Variants in COP1 observed in about 807,000 individuals in gnomAD.
The protein encoded by COP1 is E3 ubiquitin-protein ligase COP1.
In COP1, 24 loss-of-function variants were observed where a neutral mutation model predicts 101.3. The observed-to-expected ratio is 0.24, with a 90% CI of 0.17 to 0.33. The LOEUF (loss-of-function observed/expected upper bound fraction) is 0.33. Among genes scored for constraint, COP1 ranks in the 10% least tolerant of loss-of-function variants. COP1 has a pLI of 1.00. For missense variants in COP1, 663 were observed against 906.2 expected (o/e 0.73, Z 3.45); for synonymous variants, 347 against 341.9 (o/e 1.01, Z -0.17).
chr1:175,992,993 C>A (rs1165251837), intron 15 of COP1, among the ~76,000 whole-genome samples: 6 of 152,146 alleles, frequency 3.9e-5, no homozygotes, highest in African/African-American at 7.2e-5. Flanking sequence ...GAGGCACCAC[C>A]CAGTAGGGGC....
chr1:176,170,649 G>T (rs80179612), intron 3 of COP1, among the ~76,000 whole-genome samples: 3 of 152,152 alleles, frequency 2.0e-5, no homozygotes, highest in African/African-American at 7.2e-5. Flanking sequence ...GCACAGACAC[G>T]GTAGATTTAG....
At chr1:176,026,082 G>T (rs527474687) in intron 15 of COP1, among the ~76,000 whole-genome samples, 1 of 151,966 alleles carries the variant, frequency 6.6e-6, no homozygotes, top group Non-Finnish European at 1.5e-5. Flanking sequence ...AAAATTAAAT[G>T]AGAAAAATAA....
intron 12 of COP1, 140 bp downstream of exon 12, chr1:176,046,041 A>C: frequency 1.7e-6 from 1 of 582,682 alleles, no homozygotes; most frequent in South Asian, 3.2e-5. Context: ...AAGTAATAAT[A>C]TATACTCTGT....
At chr1:176,103,960 A>G (rs1683876228) in intron 9 of COP1, among the ~76,000 whole-genome samples, 2 of 152,178 alleles carry the variant, frequency 1.3e-5, no homozygotes, top group African/African-American at 4.8e-5. Context: ...ACAAACAGGA[A>G]GAAATATTCT....
intron 5 of COP1, among the ~76,000 whole-genome samples, chr1:176,158,630 C>CTTTTTTTTTT (rs35518162): frequency 1.8e-4 from 14 of 79,312 alleles, no homozygotes; most frequent in Non-Finnish European, 2.4e-4. Context: ...TTTTAAGGTT[C>CTTTTTTTTTT]TTTTTTTTTT....
intron 15 of COP1, among the ~76,000 whole-genome samples, chr1:176,008,929 T>C (rs985282422): frequency 2.6e-5 from 4 of 152,230 alleles, no homozygotes; most frequent in African/African-American, 9.6e-5. Flanking sequence ...CTTAATGCTT[T>C]GCACGATTTG....
At chr1:176,017,845 A>C (rs1399484809) in intron 15 of COP1, among the ~76,000 whole-genome samples, 1 of 152,124 alleles carries the variant, frequency 6.6e-6, no homozygotes, top group Non-Finnish European at 1.5e-5. Context: ...TTTTAATAGC[A>C]ATACTTAAAC....
intron 15 of COP1, among the ~76,000 whole-genome samples, chr1:176,022,464 C>T (rs988508281): frequency 1.3e-5 from 2 of 152,080 alleles, no homozygotes; most frequent in Admixed American, 6.6e-5. Flanking sequence ...TAAGCAACTT[C>T]ATGAGTATGA....
chr1:176,115,999 A>T (rs1363584042), intron 9 of COP1, among the ~76,000 whole-genome samples: 4 of 152,230 alleles, frequency 2.6e-5, no homozygotes, highest in African/African-American at 4.8e-5. Flanking sequence ...AATTTTCATT[A>T]TCTCTAAGAT....
intron 8 of COP1, among the ~76,000 whole-genome samples, chr1:176,130,852 T>C (rs1396522817): frequency 1.3e-5 from 2 of 151,810 alleles, no homozygotes; most frequent in Non-Finnish European, 3.0e-5. Flanking sequence ...ATACATATTA[T>C]AGAAACAGAA....
intron 12 of COP1, among the ~76,000 whole-genome samples, chr1:176,044,181 A>G (rs1293073149): frequency 6.6e-6 from 1 of 152,174 alleles, no homozygotes; most frequent in Non-Finnish European, 1.5e-5. Context: ...ACCTGATGAG[A>G]CTGTTTAACC....
intron 15 of COP1, among the ~76,000 whole-genome samples, chr1:175,999,877 C>T (rs1661178790): frequency 6.6e-6 from 1 of 152,102 alleles, no homozygotes; most frequent in African/African-American, 2.4e-5. Context: ...AGCACTTTTA[C>T]ATATACCAGT....
chr1:176,026,810 TCAC>T (rs2149064242), intron 15 of COP1, among the ~76,000 whole-genome samples: 1 of 152,224 alleles, frequency 6.6e-6, no homozygotes, highest in African/African-American at 2.4e-5. Context: ...AAATAAGACT[TCAC>T]CATTCAGAAG....
intron 11 of COP1, among the ~76,000 whole-genome samples, chr1:176,053,621 A>G (rs1672946765): frequency 2.0e-5 from 3 of 152,100 alleles, no homozygotes; most frequent in South Asian, 2.1e-4. Context: ...TTCATTACCA[A>G]TAACTTCACT....
chr1:176,130,063 T>C (rs568557380), intron 8 of COP1, among the ~76,000 whole-genome samples: 16 of 151,832 alleles, frequency 1.1e-4, no homozygotes, highest in African/African-American at 3.6e-4. Flanking sequence ...TGTTAATCCA[T>C]ATAACGTCCA....
chr1:176,115,487 G>A (rs888338664), intron 9 of COP1, among the ~76,000 whole-genome samples: 5 of 151,500 alleles, frequency 3.3e-5, no homozygotes, highest in African/African-American at 7.3e-5. Flanking sequence ...GCTGGCTCAC[G>A]CCTGTAATGC....
chr1:176,196,632 A>T (rs1374141102), intron 1 of COP1, among the ~76,000 whole-genome samples: 1 of 152,202 alleles, frequency 6.6e-6, no homozygotes, highest in Non-Finnish European at 1.5e-5. Context: ...AAAATATATG[A>T]AGACCCAAAA....
At position 175,980,741 on chromosome 1, in the gene COP1, G is replaced by A. The variant is rs1382381647; in HGVS notation, c.2133+6202C>T. On this transcript the variant is annotated intron_variant, in intron 18 of 19. Coordinates refer to ENST00000367669, the MANE Select transcript of COP1 (RefSeq NM_022457.7). ...TTGGGGTCACTTCTGAAGAGCTAAA[G>A]GAGTAATAAGTGTCCTTTACAAGTA... Among the ~76,000 whole-genome samples, 5 of 152,106 alleles carry A rather than the reference G, an allele frequency of 3.3e-5. No homozygotes were observed. In the South Asian group the frequency reaches 8.3e-4, roughly 25 times the overall value.
At chr1:176,088,224 G>T (rs1349757312) in intron 9 of COP1, among the ~76,000 whole-genome samples, 1 of 147,110 alleles carries the variant, frequency 6.8e-6, no homozygotes, top group Admixed American at 7.0e-5. Flanking sequence ...TGCACATTGT[G>T]CACATGTACC....
Sources: gnomAD v4.1 joint callset for allele counts (sites outside exome capture counted in the v4.1 genomes callset) on GRCh38, gnomAD v4.1.1 for gene constraint, MANE v1.5 for transcripts, NCBI Gene and HGNC (gene_info 2026-07-23, HGNC 2026-07-21) for gene names.